ADAMTS16: variants seen among roughly 807,000 people sequenced by gnomAD.
ADAMTS16 encodes the protein A disintegrin and metalloproteinase with thrombospondin motifs 16.
ADAMTS16 carries 94 observed loss-of-function variants against 145.8 expected under a neutral mutation model. The observed-to-expected ratio is 0.64, with a 90% CI of 0.55 to 0.77. The LOEUF (loss-of-function observed/expected upper bound fraction) is 0.77, where lower values mean the gene tolerates loss of function less well. ADAMTS16 is among the 30% of genes least tolerant of loss of function. The pLI is 0.00. For synonymous variants in ADAMTS16, 659 were observed against 604.3 expected, an observed-to-expected ratio of 1.09 and a Z score of -1.33; for missense variants, 1,585 against 1,591.5, an observed-to-expected ratio of 1.00 and a Z score of 0.07.
chr5:5,146,920 A>G (rs1189854768), intron 3 of ADAMTS16, among the ~76,000 whole-genome samples: 1 of 152,158 alleles, frequency 6.6e-6, no homozygotes, highest in Admixed American at 6.5e-5. Flanking sequence ...TGATGATGAT[A>G]ATCTGCTTAC....
intron 13 of ADAMTS16, among the ~76,000 whole-genome samples, chr5:5,235,795 T>C (rs1737090079): frequency 6.6e-6 from 1 of 151,490 alleles, no homozygotes; most frequent in African/African-American, 2.4e-5. Context: ...AACCTAATCA[T>C]CTCATTGCTT....
At chr5:5,250,830 A>G (rs911110951) in intron 17 of ADAMTS16, among the ~76,000 whole-genome samples, 12 of 152,066 alleles carry the variant, frequency 7.9e-5, no homozygotes, top group Non-Finnish European at 1.6e-4. Context: ...TCAGTCAACA[A>G]TATATAAGAT....
chr5:5,251,999 C>T lies in ADAMTS16; in HGVS notation c.2662+9808C>T, dbSNP rs112920762. Among the ~76,000 whole-genome samples, 1,482 of 152,244 alleles carry T rather than the reference C, an allele frequency of 9.7e-3. 14 individuals carry two copies. Among genetic ancestry groups the T allele is most frequent in the Non-Finnish European group, 0.014 (972 of 68,004 alleles). ...CCGAGTAGCTGGGACTACAGGCGGC[C>T]GCCACCACGCCCGGCTACTTTTTGT... On this transcript the variant is annotated intron_variant, in intron 17 of 22. Transcript: ENST00000274181.
In ADAMTS16 at chr5:5,199,193, T is replaced by G. The variant is rs528681646; in HGVS notation, c.1314-939T>G. On this transcript the variant is annotated intron_variant, in intron 8 of 22. Transcript: ENST00000274181. Reference sequence around the variant, plus strand: ...CTTTCACAGGTTAAGAAGAAGAGACTTGCTGATGACGGAGGTAGCAGCCCT... The same window carrying G: ...CTTTCACAGGTTAAGAAGAAGAGACGTGCTGATGACGGAGGTAGCAGCCCT... Among the ~76,000 whole-genome samples the G allele has an allele frequency of 2.0e-5, 3 of 152,178 alleles. No individual in the cohort carries two copies. The East Asian group carries it at 5.8e-4, about 29-fold the overall frequency.
At chr5:5,197,527 A>G (rs1735839079) in intron 8 of ADAMTS16, among the ~76,000 whole-genome samples, 3 of 152,208 alleles carry the variant, frequency 2.0e-5, no homozygotes, top group Admixed American at 2.0e-4. Flanking sequence ...TTAGAAACTT[A>G]TAAACTAGTA....
chr5:5,311,851 G>A (rs1199705955), intron 21 of ADAMTS16, among the ~76,000 whole-genome samples: 1 of 151,750 alleles, frequency 6.6e-6, no homozygotes, highest in African/African-American at 2.4e-5. Flanking sequence ...CAAGTAGCTG[G>A]GACTACAGGC....
chr5:5,281,168 C>A (rs776527342), intron 18 of ADAMTS16, among the ~76,000 whole-genome samples: 3 of 152,170 alleles, frequency 2.0e-5, no homozygotes, highest in East Asian at 1.9e-4. Flanking sequence ...AAAGCTGAAG[C>A]TTTAAGGCTC....
intron 3 of ADAMTS16, among the ~76,000 whole-genome samples, chr5:5,172,178 T>G (rs992191498): frequency 1.3e-5 from 2 of 152,122 alleles, no homozygotes; most frequent in Admixed American, 1.3e-4. Flanking sequence ...TCAATTTTGT[T>G]TAACTTTTCA....
chr5:5,147,637 G>A (rs909331255), intron 3 of ADAMTS16, among the ~76,000 whole-genome samples: 8 of 152,074 alleles, frequency 5.3e-5, no homozygotes, highest in Non-Finnish European at 7.4e-5. Flanking sequence ...GTTATTTGGC[G>A]CTCTTGTTAA....
chr5:5,169,142 G>A (rs1015549289), intron 3 of ADAMTS16, among the ~76,000 whole-genome samples: 1 of 152,164 alleles, frequency 6.6e-6, no homozygotes, highest in Non-Finnish European at 1.5e-5. Context: ...CAGGTCTACA[G>A]CAAAGACCAA....
chr5:5,194,601 T>C (rs1193701602), intron 8 of ADAMTS16, among the ~76,000 whole-genome samples: 1 of 152,198 alleles, frequency 6.6e-6, no homozygotes, highest in Non-Finnish European at 1.5e-5. Flanking sequence ...CCACTTCAAA[T>C]GAGAAAGGCT....
intron 3 of ADAMTS16, among the ~76,000 whole-genome samples, chr5:5,167,119 T>C (rs891315909): frequency 2.0e-5 from 3 of 152,256 alleles, no homozygotes; most frequent in African/African-American, 7.2e-5. Context: ...TAACTTCTTA[T>C]GCTTCACATT....
chr5:5,275,723 C>T (rs1245590108), intron 18 of ADAMTS16, among the ~76,000 whole-genome samples: 1 of 152,106 alleles, frequency 6.6e-6, no homozygotes, highest in Non-Finnish European at 1.5e-5. Flanking sequence ...ACTACGGGCA[C>T]CAGCTCCATT....
At chr5:5,267,723 T>C (rs1021691245) in intron 18 of ADAMTS16, among the ~76,000 whole-genome samples, 13 of 152,184 alleles carry the variant, frequency 8.5e-5, no homozygotes, top group African/African-American at 2.4e-4. Context: ...GGGGGCATAG[T>C]GGGCCAGGGT....
rs1734119696 is a variant in ADAMTS16, at chr5:5,140,416, G to T, written c.-52G>T. The T allele has an allele frequency of 2.0e-6, 3 of 1,479,466 alleles. No individual in the cohort carries two copies. Among genetic ancestry groups the T allele is most frequent in the Non-Finnish European group, 2.7e-6 (3 of 1,121,854 alleles). 91.6% of individuals were successfully genotyped at this position (1,479,466 alleles called of 1,614,324 possible). On this transcript the variant is annotated 5_prime_UTR_variant, in exon 1 of 23. Transcript: ENST00000274181. ...TCGGGTCCTCCCTGCCCGCTCGCAC[G>T]CTGCCGGCCGGGGACCCTCCGGTGG...
intron 17 of ADAMTS16, among the ~76,000 whole-genome samples, chr5:5,246,242 G>A (rs941252948): frequency 7.2e-5 from 11 of 152,140 alleles, no homozygotes; most frequent in African/African-American, 2.7e-4. Flanking sequence ...TTTGACCTGT[G>A]TCTTAAATTG....
At chr5:5,240,149 G>A (rs1456127072) in intron 16 of ADAMTS16, among the ~76,000 whole-genome samples, 1 of 152,228 alleles carries the variant, frequency 6.6e-6, no homozygotes, top group Non-Finnish European at 1.5e-5. Flanking sequence ...CCATTTGGGG[G>A]TTTTAGCAGT....
chr5:5,234,286 G>A (rs1045181668), intron 12 of ADAMTS16, among the ~76,000 whole-genome samples: 9 of 152,222 alleles, frequency 5.9e-5, no homozygotes, highest in African/African-American at 2.2e-4. Context: ...CAGAAGACTG[G>A]TGGTGGAAAG....
chr5:5,306,427 T>C, intron 20 of ADAMTS16, 77 bp from the exon 21 acceptor site: 2 of 1,231,588 alleles, frequency 1.6e-6, no homozygotes, highest in East Asian at 2.3e-5. Context: ...CAAGCAGATA[T>C]CTCTGATATT....
Sources: gnomAD v4.1 joint callset for allele counts (sites outside exome capture counted in the v4.1 genomes callset) on GRCh38, gnomAD v4.1.1 for gene constraint, MANE v1.5 for transcripts, NCBI Gene and HGNC (gene_info 2026-07-23, HGNC 2026-07-21) for gene names.